Variants in PID1 observed in about 807,000 individuals in gnomAD.
PID1 encodes phosphotyrosine interaction domain containing 1, also known as PTB-containing, cubilin and LRP1-interacting protein.
PID1 carries 10 observed loss-of-function variants against 19.1 expected under a neutral mutation model. The ratio of observed to expected loss-of-function variants is 0.52; its 90% CI spans 0.32 to 0.89. The LOEUF is 0.89. PID1 is among the 40% of genes least tolerant of loss of function. PID1 has a pLI of 0.03. For synonymous variants in PID1, 130 were observed against 116.0 expected, an observed-to-expected ratio of 1.12 and a Z score of -0.78; for missense variants, 248 against 285.3, an observed-to-expected ratio of 0.87 and a Z score of 0.94.
chr2:229,037,164 G>A (rs1292480311), intron 2 of PID1, among the ~76,000 whole-genome samples: 1 of 152,076 alleles, frequency 6.6e-6, no homozygotes, highest in African/African-American at 2.4e-5. Flanking sequence ...TTTAAAAAAT[G>A]CTTAGCACTT....
At chr2:229,104,837 C>T (rs1342931499) in intron 2 of PID1, among the ~76,000 whole-genome samples, 1 of 152,210 alleles carries the variant, frequency 6.6e-6, no homozygotes, top group Non-Finnish European at 1.5e-5. Flanking sequence ...AAGCATTTCA[C>T]ATCCCACCTG....
At chr2:229,140,105 C>A (rs6755924) in intron 2 of PID1, among the ~76,000 whole-genome samples, 66,870 of 151,894 alleles carry the variant, frequency 0.44, 15,194 homozygotes, top group South Asian at 0.57. Flanking sequence ...TATGCTATGT[C>A]CACCCCGGAA....
rs1553556863 is a variant in PID1, at chr2:229,056,624, T to TAG, written c.178-30517_178-30516insCT. 3.7e-4 allele frequency among the ~76,000 whole-genome samples: 55 copies of TAG among 150,256 alleles called. No homozygotes were observed. In the South Asian group the frequency reaches 8.2e-3, roughly 22 times the overall value. On this transcript the variant is annotated intron_variant, in intron 2 of 2. Coordinates refer to ENST00000392055, the MANE Select transcript of PID1 (RefSeq NM_001100818.2). ...AATAAATAAAAATAATATATATATA[T>TAG]ATATTTCTCTTTGACTATAGCCCTT...
At chr2:229,054,186 G>C (rs984232580) in intron 2 of PID1, among the ~76,000 whole-genome samples, 16 of 152,314 alleles carry the variant, frequency 1.1e-4, no homozygotes, top group African/African-American at 3.6e-4. Context: ...GTGATGGTTT[G>C]CTCAGTACAA....
Position 229,147,445 on chromosome 2 carries a change from A to C in PID1, c.177+8373T>G, listed in dbSNP as rs778365856. 6.7e-4 allele frequency among the ~76,000 whole-genome samples: 102 copies of C among 152,128 alleles called. 1 individual carries two copies. The highest frequency in any genetic ancestry group is 1.3e-3 in the Non-Finnish European group (91 of 67,992). The stretch of plus-strand genomic sequence containing the variant: ...AAGTGTATCCCTAGTTTTATTATCC[A>C]GGGATCACTTCTATTCATATTTTAG... On this transcript the variant is annotated intron_variant, in intron 2 of 2. Coordinates refer to ENST00000392055, the MANE Select transcript of PID1 (RefSeq NM_001100818.2).
intron 2 of PID1, among the ~76,000 whole-genome samples, chr2:229,047,066 C>T (rs1259584676): frequency 2.6e-5 from 4 of 152,200 alleles, no homozygotes; most frequent in Non-Finnish European, 5.9e-5. Flanking sequence ...TATGGCCCCA[C>T]AAAGCCTGTA....
In PID1 at chr2:229,146,760, C is replaced by T. The variant is rs368012501; in HGVS notation, c.177+9058G>A. 1.4e-4 allele frequency among the ~76,000 whole-genome samples: 22 copies of T among 152,120 alleles called. No individual in the cohort carries two copies. The South Asian group carries it at 3.5e-3, about 24-fold the overall frequency. ...TTATCCAACGGGCACTAAGTCCAAT[C>T]ACAAGTGTCCTTATAAGAAAGGAAA... On this transcript the variant is annotated intron_variant, in intron 2 of 2. Transcript: ENST00000392055.
chr2:229,061,956 C>G (rs12614527), intron 2 of PID1, among the ~76,000 whole-genome samples: 35,280 of 151,830 alleles, frequency 0.23, 5,066 homozygotes, highest in East Asian at 0.57. Flanking sequence ...TGAAACTTTA[C>G]TGAATTAATT....
At chr2:229,212,920 C>T (rs1218518453) in intron 1 of PID1, among the ~76,000 whole-genome samples, 1 of 152,102 alleles carries the variant, frequency 6.6e-6, no homozygotes, top group Non-Finnish European at 1.5e-5. Context: ...CACCCCATCC[C>T]CATCCCGTGA....
At chr2:229,162,838 A>G (rs2106201893) in intron 1 of PID1, among the ~76,000 whole-genome samples, 1 of 152,324 alleles carries the variant, frequency 6.6e-6, no homozygotes, top group South Asian at 2.1e-4. Context: ...CCATAGTGAC[A>G]CTTTTTTGTG....
chr2:229,152,120 C>T (rs764672837), intron 2 of PID1, among the ~76,000 whole-genome samples: 5 of 152,162 alleles, frequency 3.3e-5, no homozygotes, highest in Non-Finnish European at 5.9e-5. Flanking sequence ...TCCCAGGGTA[C>T]GGGTCTGTTC....
chr2:229,204,422 C>T (rs1226682961), intron 1 of PID1, among the ~76,000 whole-genome samples: 3 of 152,130 alleles, frequency 2.0e-5, no homozygotes, highest in Non-Finnish European at 2.9e-5. Flanking sequence ...GTAAAATGAT[C>T]TTTGCAGGGA....
chr2:229,137,826 C>A (rs1689887222), intron 2 of PID1, among the ~76,000 whole-genome samples: 1 of 152,172 alleles, frequency 6.6e-6, no homozygotes, highest in Non-Finnish European at 1.5e-5. Flanking sequence ...AACATACACA[C>A]ATCAAGGCCA....
chr2:229,057,084 TATAAC>T (rs540709022), intron 2 of PID1, among the ~76,000 whole-genome samples: 3 of 152,202 alleles, frequency 2.0e-5, no homozygotes, highest in Admixed American at 2.0e-4. Context: ...ATATCACTAT[TATAAC>T]ATAAGAAACA....
chr2:229,265,893 A>G (rs1690581185), intron 1 of PID1, among the ~76,000 whole-genome samples: 1 of 152,066 alleles, frequency 6.6e-6, no homozygotes, highest in African/African-American at 2.4e-5. Context: ...GTTGCCTAAC[A>G]CTCCAAGATA....
At chr2:229,185,061 C>G (rs1266014110) in intron 1 of PID1, among the ~76,000 whole-genome samples, 4 of 117,678 alleles carry the variant, frequency 3.4e-5, no homozygotes, top group Non-Finnish European at 5.2e-5. Flanking sequence ...ATATATATAT[C>G]CTCCATATAT....
intron 2 of PID1, among the ~76,000 whole-genome samples, chr2:229,138,999 GAA>G (rs1233578114): frequency 2.4e-5 from 2 of 85,008 alleles, no homozygotes; most frequent in Admixed American, 2.3e-4. Context: ...AAGAAAGAAA[GAA>G]AGAAAGAAAG....
intron 2 of PID1, among the ~76,000 whole-genome samples, chr2:229,136,073 T>C (rs1403916478): frequency 6.6e-6 from 1 of 152,236 alleles, no homozygotes; most frequent in Non-Finnish European, 1.5e-5. Context: ...TCTGTCTTGC[T>C]CACTCACTCT....
intron 1 of PID1, among the ~76,000 whole-genome samples, chr2:229,251,927 C>T (rs1690161406): frequency 7.8e-6 from 1 of 128,734 alleles, no homozygotes; most frequent in African/African-American, 3.0e-5. Flanking sequence ...AAAGATAATG[C>T]CCTCTTAACC....
Sources: allele counts gnomAD v4.1 joint callset (sites outside exome capture counted in the v4.1 genomes callset), GRCh38; gene constraint gnomAD v4.1.1; transcripts MANE v1.5; gene names NCBI Gene and HGNC (gene_info 2026-07-23, HGNC 2026-07-21).